The following ATF7IP variants were observed in gnomAD, a reference collection of about 807,000 sequenced individuals.
ATF7IP encodes the protein activating transcription factor 7 interacting protein.
Under a neutral mutation model 106.4 loss-of-function variants are expected in ATF7IP, and 23 were observed. The ratio of observed to expected loss-of-function variants is 0.22; its 90% CI spans 0.16 to 0.31. The LOEUF (loss-of-function observed/expected upper bound fraction) is 0.31, where lower values mean the gene tolerates loss of function less well. Ranked by LOEUF, ATF7IP falls within the 10% of genes least tolerant of loss-of-function variation. The pLI, the probability that ATF7IP is intolerant of heterozygous loss-of-function variation, is 1.00. For missense variants in ATF7IP, 1,334 were observed against 1,524.3 expected (o/e 0.88, Z 2.08); for synonymous variants, 542 against 539.0 (o/e 1.01, Z -0.08).
chr12:14,494,052 A>G (rs1944915714), intron 13 of ATF7IP, among the ~76,000 whole-genome samples: 1 of 151,726 alleles, frequency 6.6e-6, no homozygotes, highest in Non-Finnish European at 1.5e-5. Flanking sequence ...AGGAGTGTCA[A>G]ATGCATTTAT....
At chr12:14,439,892 A>G (rs1299117666) in intron 5 of ATF7IP, among the ~76,000 whole-genome samples, 1 of 146,474 alleles carries the variant, frequency 6.8e-6, no homozygotes, top group Admixed American at 6.7e-5. Flanking sequence ...TCCATCCTAA[A>G]ACAGTTTTCG....
intron 10 of ATF7IP, among the ~76,000 whole-genome samples, chr12:14,473,804 A>AG (rs759956791): frequency 0.022 from 3,288 of 148,118 alleles, 39 homozygotes; most frequent in Non-Finnish European, 0.034. Context: ...GAATTCTTAA[A>AG]GGTTTTTTTT....
At chr12:14,454,158 T>G (rs940932859) in intron 6 of ATF7IP, among the ~76,000 whole-genome samples, 1 of 152,172 alleles carries the variant, frequency 6.6e-6, no homozygotes, top group African/African-American at 2.4e-5. Context: ...AGAGAGTCTG[T>G]GGGCCTCTAA....
chr12:14,439,003 A>G (rs1443623402), intron 5 of ATF7IP, among the ~76,000 whole-genome samples: 4 of 152,162 alleles, frequency 2.6e-5, no homozygotes, highest in African/African-American at 9.7e-5. Flanking sequence ...CGTGGACCTT[A>G]TGTTTTAAAG....
intron 13 of ATF7IP, among the ~76,000 whole-genome samples, chr12:14,495,191 C>T (rs1036858589): frequency 2.6e-5 from 4 of 152,192 alleles, no homozygotes; most frequent in African/African-American, 7.2e-5. Flanking sequence ...CTGCCTTCCC[C>T]AGTCCACTGA....
intron 1 of ATF7IP, among the ~76,000 whole-genome samples, chr12:14,400,977 C>T (rs1393919231): frequency 6.6e-6 from 1 of 151,998 alleles, no homozygotes; most frequent in East Asian, 1.9e-4. Flanking sequence ...CCTTTTCATT[C>T]ACTAATAGAT....
chr12:14,485,092 C>G (rs1456075208), intron 13 of ATF7IP, among the ~76,000 whole-genome samples: 1 of 152,058 alleles, frequency 6.6e-6, no homozygotes, highest in Non-Finnish European at 1.5e-5. Context: ...CACAGCATCC[C>G]TCTCTGCCCC....
chr12:14,366,337 A>T (rs145966506), intron 1 of ATF7IP, among the ~76,000 whole-genome samples: 10 of 152,350 alleles, frequency 6.6e-5, no homozygotes, highest in African/African-American at 2.2e-4. Flanking sequence ...GGTGGTAAAG[A>T]TCAGCACCTA....
At chr12:14,420,127 G>A (rs1038947607) in intron 1 of ATF7IP, 2 of 152,146 alleles carry the variant, frequency 1.3e-5, no homozygotes, top group Non-Finnish European at 1.5e-5. Flanking sequence ...AAACTGTAAG[G>A]CACATCAATC....
At chr12:14,382,960 A>G (rs1482154069) in intron 1 of ATF7IP, among the ~76,000 whole-genome samples, 2 of 152,216 alleles carry the variant, frequency 1.3e-5, no homozygotes, top group African/African-American at 4.8e-5. Context: ...TATATCAAGT[A>G]AACTATAATA....
chr12:14,385,462 T>G, intron 1 of ATF7IP: 1 of 1,445,852 alleles, frequency 6.9e-7, no homozygotes, highest in African/African-American at 1.4e-5. Flanking sequence ...AAAAAGGAAT[T>G]TAACTGAGTT....
chr12:14,370,459 A>G (rs1393441838), intron 1 of ATF7IP, among the ~76,000 whole-genome samples: 3 of 152,170 alleles, frequency 2.0e-5, no homozygotes, highest in African/African-American at 7.2e-5. Flanking sequence ...ATTCTATTTT[A>G]CAATTTTCAT....
intron 1 of ATF7IP, among the ~76,000 whole-genome samples, chr12:14,388,848 C>A (rs1939392642): frequency 6.6e-6 from 1 of 151,826 alleles, no homozygotes. Flanking sequence ...TCATGTTGGC[C>A]AAGCTGGTCT....
intron 4 of ATF7IP, among the ~76,000 whole-genome samples, chr12:14,436,963 T>A (rs989622879): frequency 6.6e-6 from 1 of 152,160 alleles, no homozygotes; most frequent in African/African-American, 2.4e-5. Flanking sequence ...AGCATTTTAA[T>A]CTTTATAAAG....
At chr12:14,376,290 G>C (rs1013445158) in intron 1 of ATF7IP, among the ~76,000 whole-genome samples, 2 of 152,174 alleles carry the variant, frequency 1.3e-5, no homozygotes, top group African/African-American at 2.4e-5. Context: ...TCAAAATTGA[G>C]ACAAAGTATC....
chr12:14,463,588 G>T (rs1591919450), intron 9 of ATF7IP, among the ~76,000 whole-genome samples: 1 of 152,122 alleles, frequency 6.6e-6, no homozygotes, highest in Non-Finnish European at 1.5e-5. Flanking sequence ...GGGAAATCTG[G>T]AAAGATATGA....
chr12:14,463,177 A>G (rs1218511418), intron 9 of ATF7IP, among the ~76,000 whole-genome samples: 1 of 152,138 alleles, frequency 6.6e-6, no homozygotes, highest in Non-Finnish European at 1.5e-5. Context: ...TGATTAATTA[A>G]TTAGGTTATA....
Position 14,496,910 on chromosome 12 carries a change from A to G in ATF7IP, c.3393+567A>G, listed in dbSNP as rs115675081. On this transcript the variant is annotated intron_variant, in intron 14 of 14. Transcript: ENST00000261168. ...TGATGTTCCAGTGTTAGAAAAGTCA[A>G]TAGGACTTCCTAAAGTTAGAGTCAT... Among the ~76,000 whole-genome samples, 694 of 152,334 alleles carry G rather than the reference A, an allele frequency of 4.6e-3. 4 individuals are homozygous for G. Among genetic ancestry groups the G allele is most frequent in the African/African-American group, 0.016 (663 of 41,572 alleles).
intron 1 of ATF7IP, among the ~76,000 whole-genome samples, chr12:14,386,731 G>A (rs1390272134): frequency 6.6e-6 from 1 of 152,048 alleles, no homozygotes; most frequent in Non-Finnish European, 1.5e-5. Context: ...AACAAAACTT[G>A]GAAACGAGAT....
Sources: gnomAD v4.1 joint callset for allele counts (sites outside exome capture counted in the v4.1 genomes callset) on GRCh38, gnomAD v4.1.1 for gene constraint, MANE v1.5 for transcripts, NCBI Gene and HGNC (gene_info 2026-07-23, HGNC 2026-07-21) for gene names.